FUT8: variants seen among roughly 807,000 people sequenced by gnomAD.
The protein encoded by FUT8 is fucosyltransferase 8, also known as alpha-(1,6)-fucosyltransferase.
In FUT8, 29 loss-of-function variants were observed where a neutral mutation model predicts 71.3. The ratio of observed to expected loss-of-function variants is 0.41; its 90% CI spans 0.30 to 0.55. FUT8 has a LOEUF of 0.55. FUT8 is among the 20% of genes least tolerant of loss of function. FUT8 has a pLI of 0.34. For missense variants in FUT8, 544 were observed against 702.1 expected (o/e 0.77, Z 2.55); for synonymous variants, 254 against 239.3 (o/e 1.06, Z -0.57).
At position 65,660,371 on chromosome 14, in the gene FUT8, A is replaced by G. The variant is rs1891900941; in HGVS notation, c.598-8872A>G. On this transcript the variant is annotated intron_variant, in intron 6 of 10. Coordinates refer to ENST00000673929, the MANE Select transcript of FUT8 (RefSeq NM_001371533.1). The surrounding 1 kb of genome is among the most constrained non-coding windows in gnomAD (Gnocchi z 4.1). ...ATTTAATAGAGACTTTCAGGTAAAGAGCAAAAGTTTTTAAAATGTATTATT... is the reference window on the plus strand; with the variant it reads ...ATTTAATAGAGACTTTCAGGTAAAGGGCAAAAGTTTTTAAAATGTATTATT... Among the ~76,000 whole-genome samples, 1 of 152,186 alleles carries G rather than the reference A, an allele frequency of 6.6e-6. No homozygotes were observed. The highest frequency in any genetic ancestry group is 1.5e-5 in the Non-Finnish European group (1 of 68,020).
At chr14:65,677,167 C>CGCGCACGTATGTGTGT (rs1566890693) in intron 7 of FUT8, among the ~76,000 whole-genome samples, 1 of 100,790 alleles carries the variant, frequency 9.9e-6, no homozygotes, top group South Asian at 3.0e-4. Context: ...CGCGCATGCG[C>CGCGCACGTATGTGTGT]GCGCACGTAT....
At chr14:65,543,110 T>G (rs2139970017) in intron 2 of FUT8, among the ~76,000 whole-genome samples, 1 of 152,334 alleles carries the variant, frequency 6.6e-6, no homozygotes, top group South Asian at 2.1e-4. Context: ...TGCAATCCAT[T>G]TATCTCTCCT....
At chr14:65,507,219 T>G (rs2066749616) in intron 2 of FUT8, among the ~76,000 whole-genome samples, 1 of 152,218 alleles carries the variant, frequency 6.6e-6, no homozygotes. Context: ...TAGTTTAATT[T>G]GTTTAAAGGT....
intron 6 of FUT8, among the ~76,000 whole-genome samples, chr14:65,637,688 A>G (rs1271120774): frequency 1.3e-5 from 2 of 152,062 alleles, no homozygotes; most frequent in Non-Finnish European, 2.9e-5. Context: ...TTGTTCCACA[A>G]CCAAGAAGAA....
At chr14:65,736,409 A>G (rs949150627) in intron 10 of FUT8, among the ~76,000 whole-genome samples, 3 of 151,512 alleles carry the variant, frequency 2.0e-5, no homozygotes, top group African/African-American at 2.4e-5. Flanking sequence ...GAGCTAGTCA[A>G]GGCCTCCATT....
At chr14:65,697,563 A>G (rs1894054865) in intron 7 of FUT8, among the ~76,000 whole-genome samples, 1 of 152,222 alleles carries the variant, frequency 6.6e-6, no homozygotes, top group Non-Finnish European at 1.5e-5. Flanking sequence ...ATTGAGCTAA[A>G]ACGTGAAAAT....
chr14:65,707,998 T>C (rs1894632906), intron 7 of FUT8, among the ~76,000 whole-genome samples: 1 of 152,224 alleles, frequency 6.6e-6, no homozygotes, highest in Non-Finnish European at 1.5e-5. Context: ...TCTATTTCTG[T>C]GAAAAATGAC....
chr14:65,410,816 T>A (rs1333478051), upstream of FUT8: 1 of 152,156 alleles, frequency 6.6e-6, no homozygotes, highest in East Asian at 1.9e-4. Flanking sequence ...TCTTGCTATG[T>A]TGCCCAGGCT....
intron 3 of FUT8, among the ~76,000 whole-genome samples, chr14:65,575,305 C>T (rs187696282): frequency 6.6e-6 from 1 of 151,784 alleles, no homozygotes; most frequent in Admixed American, 6.6e-5. Flanking sequence ...TATGGCAAGA[C>T]TTTAAATTAT....
intron 7 of FUT8, among the ~76,000 whole-genome samples, chr14:65,698,070 G>A (rs913467320): frequency 4.0e-5 from 6 of 151,792 alleles, no homozygotes; most frequent in Non-Finnish European, 8.8e-5. Context: ...ATTATAATGT[G>A]TAGAAATATT....
chr14:65,692,397 G>A (rs1197470689), intron 7 of FUT8, among the ~76,000 whole-genome samples: 1 of 130,716 alleles, frequency 7.7e-6, no homozygotes, highest in African/African-American at 2.8e-5. Context: ...GCGGCTGGCC[G>A]GGCGGGGGGC....
At chr14:65,385,058 AT>A in the FUT8 span, among the ~76,000 whole-genome samples, 2 of 148,844 alleles carry the variant, frequency 1.3e-5, no homozygotes, top group African/African-American at 2.5e-5. Flanking sequence ...TGCCTGGCTA[AT>A]TTTTTTTTTA....
chr14:65,642,705 G>A (rs993770036), intron 6 of FUT8, among the ~76,000 whole-genome samples: 1 of 151,734 alleles, frequency 6.6e-6, no homozygotes, highest in African/African-American at 2.4e-5. Flanking sequence ...TTTGTAGTAA[G>A]TGTTACAACT....
intron 2 of FUT8, among the ~76,000 whole-genome samples, chr14:65,499,500 TTGA>T (rs765486627): frequency 6.6e-6 from 1 of 152,080 alleles, no homozygotes; most frequent in Non-Finnish European, 1.5e-5. Flanking sequence ...TATAGGTGTG[TTGA>T]TGATTAAATC....
At chr14:65,478,352 G>A (rs932761385) in intron 2 of FUT8, among the ~76,000 whole-genome samples, 13 of 152,106 alleles carry the variant, frequency 8.5e-5, no homozygotes, top group Admixed American at 7.9e-4. Context: ...TGAAACCGAC[G>A]TGACACTCTG....
chr14:65,623,561 C>CA (rs1290051162), intron 5 of FUT8, among the ~76,000 whole-genome samples: 2 of 151,766 alleles, frequency 1.3e-5, no homozygotes, highest in African/African-American at 4.8e-5. Flanking sequence ...TCTACAAATA[C>CA]AAAAAAAGCT....
chr14:65,412,899 C>T lies in FUT8; in HGVS notation c.-641C>T, dbSNP rs1264978213. 6.4e-6 allele frequency: 1 copy of T among 157,124 alleles called. No individual in the cohort carries two copies. Among genetic ancestry groups the T allele is most frequent in the African/African-American group, 2.4e-5 (1 of 41,494 alleles). 9.7% of individuals were successfully genotyped at this position (157,124 alleles called of 1,614,324 possible). On this transcript the variant is annotated 5_prime_UTR_variant, in exon 1 of 11. Coordinates refer to ENST00000673929, the MANE Select transcript of FUT8 (RefSeq NM_001371533.1). ...CCGCCTGGCCCCAGCCGACCCGTCC[C>T]TTCGTCTCCCCGCGGAATGGGGCCG...
At chr14:65,403,738 ATTT>A in the FUT8 span, among the ~76,000 whole-genome samples, 586 of 143,132 alleles carry the variant, frequency 4.1e-3, 2 homozygotes, top group African/African-American at 6.6e-3. Context: ...ATAGTGGTTA[ATTT>A]TTTTTTTTTT....
At chr14:65,712,594 G>A (rs374048866) in intron 7 of FUT8, among the ~76,000 whole-genome samples, 49 of 152,124 alleles carry the variant, frequency 3.2e-4, no homozygotes, top group African/African-American at 1.2e-3. Context: ...ACAGGCATGT[G>A]CCACCACACC....
Sources: allele counts gnomAD v4.1 joint callset (sites outside exome capture counted in the v4.1 genomes callset), GRCh38; gene constraint gnomAD v4.1.1; non-coding constraint Gnocchi (gnomAD v3.1); transcripts MANE v1.5; gene names NCBI Gene and HGNC (gene_info 2026-07-23, HGNC 2026-07-21).